The following COL6A6 variants were observed in gnomAD, a reference collection of about 807,000 sequenced individuals.
COL6A6 encodes the protein collagen type VI alpha 6 chain.
Under a neutral mutation model 208.6 loss-of-function variants are expected in COL6A6, and 183 were observed. The ratio of observed to expected loss-of-function variants is 0.88; its 90% confidence interval spans 0.78 to 0.99. The LOEUF (loss-of-function observed/expected upper bound fraction) is 0.99, where lower values mean the gene tolerates loss of function less well. COL6A6 is among the 50% of genes least tolerant of loss of function. The probability of loss-of-function intolerance (pLI) is 0.00; values close to 1 mark genes in which losing one functional copy is unlikely to be tolerated. For synonymous variants in COL6A6, 973 were observed against 1,011.8 expected, an observed-to-expected ratio of 0.96 and a Z score of 0.73; for missense variants, 2,816 against 2,815.2, an observed-to-expected ratio of 1.00 and a Z score of -0.01.
chr3:130,568,143 A>G lies in COL6A6; in HGVS notation c.1940A>G (p.Asn647Ser), dbSNP rs200001966. 9.2e-5 allele frequency: 148 copies of G among 1,613,844 alleles called. No individual in the cohort carries two copies. The highest frequency in any genetic ancestry group is 2.7e-4 in the Admixed American group (16 of 60,006). ...AGCAAAATGAAAACATTTATGAAAAACCTGGTGAGCAAGTCTCAGATTGGA... is the reference window on the plus strand; with the variant it reads ...AGCAAAATGAAAACATTTATGAAAAGCCTGGTGAGCAAGTCTCAGATTGGA... ...NFSKMKTFMK[N>S]LVSKSQIGPD... Residue 647 changes from asparagine to serine, a missense_variant, in exon 6 of 37, where the codon AAC becomes AGC. Physicochemically the swap from Asn to Ser is conservative, Grantham distance 46. Transcript: ENST00000358511.
chr3:130,666,750 T>C (rs1289541958), intron 36 of COL6A6, among the ~76,000 whole-genome samples: 1 of 152,106 alleles, frequency 6.6e-6, no homozygotes, highest in Non-Finnish European at 1.5e-5. Context: ...ATTGGAATTC[T>C]AGAAAGATAA....
At chr3:130,622,080 A>G (rs1407650470) in intron 24 of COL6A6, among the ~76,000 whole-genome samples, 197 bp downstream of exon 24, 1 of 152,066 alleles carries the variant, frequency 6.6e-6, no homozygotes. Flanking sequence ...ATTCCAGCTC[A>G]GTGTAATTTA....
intron 4 of COL6A6, 83 bp downstream of exon 4, chr3:130,565,697 T>C: frequency 2.8e-6 from 4 of 1,434,198 alleles, no homozygotes; most frequent in South Asian, 1.5e-5. Context: ...GTGGATTGGC[T>C]TGGGAAGATG....
chr3:130,639,553 C>T (rs920525727), intron 28 of COL6A6, among the ~76,000 whole-genome samples: 9 of 152,060 alleles, frequency 5.9e-5, no homozygotes, highest in Admixed American at 2.0e-4. Flanking sequence ...ATTAGCCACG[C>T]GTGGTGGCAT....
chr3:130,612,030 G>T (rs2064374277), intron 23 of COL6A6, among the ~76,000 whole-genome samples: 1 of 152,218 alleles, frequency 6.6e-6, no homozygotes, highest in African/African-American at 2.4e-5. Context: ...GAGAACATGT[G>T]GTATTTGTTT....
chr3:130,615,643 A>C (rs1217217162), intron 23 of COL6A6, among the ~76,000 whole-genome samples: 3 of 152,232 alleles, frequency 2.0e-5, no homozygotes, highest in Non-Finnish European at 4.4e-5. Flanking sequence ...TAACTTGATG[A>C]AAATAACTAT....
At chr3:130,528,581 G>A (rs1490139289) in intron 1 of COL6A6, among the ~76,000 whole-genome samples, 1 of 152,176 alleles carries the variant, frequency 6.6e-6, no homozygotes, top group Non-Finnish European at 1.5e-5. Flanking sequence ...ATGGATATGG[G>A]TGTGTTCCAA....
intron 23 of COL6A6, among the ~76,000 whole-genome samples, chr3:130,616,832 CTTGGGGAA>C (rs2064543440): frequency 6.6e-6 from 1 of 152,066 alleles, no homozygotes; most frequent in Non-Finnish European, 1.5e-5. Context: ...GCTCTGTGAC[CTTGGGGAA>C]TTTATGTAAC....
chr3:130,661,727 G>A lies in COL6A6; in HGVS notation c.5921G>A (p.Arg1974Gln), dbSNP rs768686762. ...MDAAFLLDAS[R>Q]NMGSAEFEDI... ...GCTGCTTTCCTTCTGGATGCCTCCCGGAACATGGGAAGTGCTGAATTTGAA... is the reference window on the plus strand; with the variant it reads ...GCTGCTTTCCTTCTGGATGCCTCCCAGAACATGGGAAGTGCTGAATTTGAA... The change falls in exon 35 of 37, where the codon CGG becomes CAG. Residue 1974 changes from arginine (R) to glutamine (Q), a missense_variant. Coordinates refer to ENST00000358511, the MANE Select transcript of COL6A6 (RefSeq NM_001102608.3). The A allele has an allele frequency of 1.7e-5, 28 of 1,613,738 alleles. No individual in the cohort carries two copies. The highest frequency in any genetic ancestry group is 1.3e-4 in the East Asian group (6 of 44,880).
chr3:130,661,067 T>C lies in COL6A6; in HGVS notation c.5831-570T>C, dbSNP rs183251508. 2.3e-3 allele frequency among the ~76,000 whole-genome samples: 347 copies of C among 152,350 alleles called. 1 individual carries two copies. The highest frequency in any genetic ancestry group is 7.7e-3 in the African/African-American group (322 of 41,584). ...TAGGAAAGTCCATTAATATCTAATA[T>C]TCATTTAACAAACATGTATTCAGTT... On this transcript the variant is annotated intron_variant, in intron 34 of 36. Coordinates refer to ENST00000358511, the MANE Select transcript of COL6A6 (RefSeq NM_001102608.3).
chr3:130,643,162 T>G, intron 31 of COL6A6, 139 bp downstream of exon 31: 2 of 858,890 alleles, frequency 2.3e-6, no homozygotes, highest in Non-Finnish European at 3.7e-6. Context: ...TGAGTCAGCA[T>G]AGACTGGTGA....
rs552747648 is a variant in COL6A6 at position 130,675,582 on chromosome 3, C to A, written c.*185C>A. 4 of 470,752 alleles carry A rather than the reference C, an allele frequency of 8.5e-6. No individual in the cohort carries two copies. The South Asian group carries it at 2.3e-4, about 27-fold the overall frequency. The allele number at this position is 470,752 out of a possible 1,614,324, so 29.2% of individuals were successfully genotyped here. A position where few individuals can be genotyped will look rare whatever the true frequency, so the allele number is the denominator to read the frequency against. ...GACCACTCCTGACAATTCCAGCACT[C>A]TACGACTGATATGTCGAAGAACTGT... On this transcript the variant is annotated 3_prime_UTR_variant, in exon 37 of 37. Coordinates refer to ENST00000358511, the MANE Select transcript of COL6A6 (RefSeq NM_001102608.3).
At chr3:130,535,881 C>T (rs2062212556) in intron 1 of COL6A6, among the ~76,000 whole-genome samples, 1 of 152,100 alleles carries the variant, frequency 6.6e-6, no homozygotes, top group African/African-American at 2.4e-5. Flanking sequence ...GGTTCAAATC[C>T]CATTTGTACT....
Position 130,599,781 on chromosome 3 carries a change from C to G in COL6A6, c.4624C>G (p.Pro1542Ala), listed in dbSNP as rs2063956811. 1.2e-6 allele frequency: 2 copies of G among 1,613,746 alleles called. No homozygotes were observed. Among genetic ancestry groups the G allele is most frequent in the East Asian group, 2.2e-5 (1 of 44,894 alleles). ...RQGRRGWPGP[P>A]GTPGSRRKTA... Reference sequence around the variant, plus strand: ...GGGCAGAAGAGGCTGGCCAGGCCCCCCCGGGACACCAGGCTCCAGAAGAAA... The same window carrying G: ...GGGCAGAAGAGGCTGGCCAGGCCCCGCCGGGACACCAGGCTCCAGAAGAAA... The change falls in exon 20 of 37, where the codon CCC becomes GCC. Residue 1542 changes from proline to alanine, a missense_variant. Physicochemically the swap from Pro to Ala is conservative, Grantham distance 27 (BLOSUM62 -1). Coordinates refer to ENST00000358511, the MANE Select transcript of COL6A6 (RefSeq NM_001102608.3).
At position 130,568,569 on chromosome 3, in the gene COL6A6, A is replaced by G; in HGVS notation, c.2366A>G (p.Asp789Gly). The G allele has an allele frequency of 6.2e-7, 1 of 1,605,296 alleles. No individual in the cohort carries two copies. The highest frequency in any genetic ancestry group is 8.5e-7 in the Non-Finnish European group (1 of 1,179,634). ...ENFDILQRIE[D>G]DLVFGICSPR... ...TTTGACATTCTGCAGCGCATTGAAG[A>G]TGATCTTGTTTTTGGAATATGCAGC... The change falls in exon 6 of 37, where the codon GAT becomes GGT. Residue 789 changes from aspartate (D) to glycine (G), a missense_variant. Coordinates refer to ENST00000358511, the MANE Select transcript of COL6A6 (RefSeq NM_001102608.3).
rs375255284 is a variant in COL6A6 at position 130,563,466 on chromosome 3, C to T, written c.463C>T (p.Arg155Trp). The part of the protein sequence containing the change: ...DNVEEASKAL[R>W]KDGVKIISVG... ...TGTGGAAGAGGCATCAAAGGCCCTGCGGAAAGACGGAGTGAAAATCATCTC... is the reference window on the plus strand; with the variant it reads ...TGTGGAAGAGGCATCAAAGGCCCTGTGGAAAGACGGAGTGAAAATCATCTC... Residue 155 changes from arginine to tryptophan, a missense_variant, in exon 3 of 37, where the codon CGG (arginine) becomes TGG (tryptophan). By Grantham distance (101) the Arg-to-Trp change is moderately radical (BLOSUM62 -3). Coordinates refer to ENST00000358511, the MANE Select transcript of COL6A6 (RefSeq NM_001102608.3). 35 of 1,613,858 alleles carry T rather than the reference C, an allele frequency of 2.2e-5. No individual in the cohort carries two copies. The highest frequency in any genetic ancestry group is 1.6e-4 in the Middle Eastern group (1 of 6,084).
At chr3:130,575,572 C>T (rs1024224864) in intron 8 of COL6A6, among the ~76,000 whole-genome samples, 2 of 152,186 alleles carry the variant, frequency 1.3e-5, no homozygotes, top group South Asian at 4.1e-4. Flanking sequence ...TTGCTACAGG[C>T]TGCCTTGCTG....
rs1362990911 is a variant in COL6A6, at chr3:130,606,899, A to G, written c.4654-32A>G. On this transcript the variant is annotated intron_variant, in intron 20 of 36. Coordinates refer to ENST00000358511, the MANE Select transcript of COL6A6 (RefSeq NM_001102608.3). Reference sequence around the variant, plus strand: ...CATATATAAAAAGCATTTTTTCTGAATTAATGATATCCACCTTTTCTTCTA... The same window carrying G: ...CATATATAAAAAGCATTTTTTCTGAGTTAATGATATCCACCTTTTCTTCTA... The G allele has an allele frequency of 1.0e-5, 16 of 1,587,468 alleles. No individual in the cohort carries two copies. In the South Asian group the frequency reaches 1.5e-4, roughly 15 times the overall value.
chr3:130,544,851 G>A (rs1247737818), intron 1 of COL6A6, among the ~76,000 whole-genome samples: 1 of 151,924 alleles, frequency 6.6e-6, no homozygotes, highest in South Asian at 2.1e-4. Context: ...TTTCTGTTCC[G>A]GTCCTTTACC....
Sources: gnomAD v4.1 joint callset for allele counts (sites outside exome capture counted in the v4.1 genomes callset) on GRCh38, gnomAD v4.1.1 for gene constraint, MANE v1.5 for transcripts, NCBI Gene and HGNC (gene_info 2026-07-23, HGNC 2026-07-21) for gene names.